The following CAST variants were observed in gnomAD, a reference collection of about 807,000 sequenced individuals.
CAST encodes the protein calpastatin, also known as MIR583 host.
Under a neutral mutation model 119.6 loss-of-function variants are expected in CAST, and 76 were observed. The ratio of observed to expected loss-of-function variants is 0.64; its 90% confidence interval spans 0.53 to 0.77. CAST has a LOEUF of 0.77. Among genes scored for constraint, CAST ranks in the 30% least tolerant of loss-of-function variants. The probability of loss-of-function intolerance (pLI) is 0.00; values close to 1 mark genes in which losing one functional copy is unlikely to be tolerated. For synonymous variants in CAST, 319 were observed against 331.6 expected (o/e 0.96, Z 0.41); for missense variants, 953 against 946.5 (o/e 1.01, Z -0.09).
At chr5:96,349,995 A>G in the CAST span, among the ~76,000 whole-genome samples, 1 of 152,184 alleles carries the variant, frequency 6.6e-6, no homozygotes, top group Non-Finnish European at 1.5e-5. Context: ...TTGATTGACA[A>G]TCGACTAAAT....
At chr5:96,444,219 C>G in the CAST span, among the ~76,000 whole-genome samples, 1 of 152,168 alleles carries the variant, frequency 6.6e-6, no homozygotes, top group East Asian at 1.9e-4. Flanking sequence ...GTTATGCCTT[C>G]ACTTCTCATC....
At chr5:96,070,333 T>A in the CAST span, among the ~76,000 whole-genome samples, 20 of 152,184 alleles carry the variant, frequency 1.3e-4, no homozygotes, top group Non-Finnish European at 2.6e-4. Flanking sequence ...CATTTATTAA[T>A]CAAGGACAAG....
chr5:96,139,907 G>A, the CAST span, among the ~76,000 whole-genome samples: 1 of 152,026 alleles, frequency 6.6e-6, no homozygotes, highest in African/African-American at 2.4e-5. Context: ...AATAAAATGT[G>A]GCTAGAACCT....
At chr5:96,454,917 G>T in the CAST span, among the ~76,000 whole-genome samples, 1 of 152,196 alleles carries the variant, frequency 6.6e-6, no homozygotes, top group East Asian at 1.9e-4. Context: ...TTGGCTCAGA[G>T]CCTTTGGCAA....
chr5:96,555,044 C>T (rs1050383601), intron 1 of CAST, among the ~76,000 whole-genome samples: 11 of 152,210 alleles, frequency 7.2e-5, no homozygotes, highest in Non-Finnish European at 1.3e-4. Context: ...CCAGCAATCC[C>T]ATTACTGGGC....
At chr5:96,243,413 C>G in the CAST span, among the ~76,000 whole-genome samples, 3 of 151,582 alleles carry the variant, frequency 2.0e-5, no homozygotes, top group South Asian at 6.3e-4. Flanking sequence ...GGTTCCTAGA[C>G]TTTGTGGAGT....
At chr5:96,386,765 G>A in the CAST span, among the ~76,000 whole-genome samples, 1 of 152,172 alleles carries the variant, frequency 6.6e-6, no homozygotes, top group Non-Finnish European at 1.5e-5. Flanking sequence ...AGGAGTTTGA[G>A]ACCAGCCTGG....
the CAST span, among the ~76,000 whole-genome samples, chr5:96,112,903 G>C: frequency 6.6e-6 from 1 of 152,166 alleles, no homozygotes; most frequent in Non-Finnish European, 1.5e-5. Context: ...AGCATGGCGG[G>C]AGATGGAGAG....
intron 1 of CAST, among the ~76,000 whole-genome samples, chr5:96,635,917 C>A (rs909914896): frequency 2.6e-5 from 4 of 152,280 alleles, no homozygotes; most frequent in Non-Finnish European, 5.9e-5. Context: ...TTCCTAGAAC[C>A]CTGGCTTCTC....
At chr5:96,563,698 C>T (rs867791250) in intron 1 of CAST, among the ~76,000 whole-genome samples, 16 of 152,194 alleles carry the variant, frequency 1.1e-4, no homozygotes, top group Admixed American at 2.6e-4. Flanking sequence ...TTACGGTATA[C>T]GGTATATGGT....
the CAST span, chr5:96,398,857 G>A: frequency 6.3e-7 from 1 of 1,593,790 alleles, no homozygotes; most frequent in East Asian, 2.2e-5. Context: ...AATATAAATG[G>A]CTTAGAACTT....
the CAST span, among the ~76,000 whole-genome samples, chr5:96,061,311 G>T: frequency 6.6e-6 from 1 of 152,088 alleles, no homozygotes; most frequent in Non-Finnish European, 1.5e-5. Context: ...AGCCCGAATG[G>T]CCTATCATGA....
chr5:96,522,340 T>C (rs1016946672), upstream of CAST, among the ~76,000 whole-genome samples: 3 of 152,200 alleles, frequency 2.0e-5, no homozygotes, highest in African/African-American at 7.2e-5. Context: ...GAGTGTTTTT[T>C]TCCCACTTCT....
At chr5:96,692,045 C>A (rs189228883) in intron 2 of CAST, among the ~76,000 whole-genome samples, 355 of 152,304 alleles carry the variant, frequency 2.3e-3, no homozygotes, top group African/African-American at 8.3e-3. Flanking sequence ...GCAACTAATT[C>A]TTTTCATGCC....
chr5:96,707,621 A>G (rs1755276295), intron 3 of CAST, among the ~76,000 whole-genome samples: 1 of 152,128 alleles, frequency 6.6e-6, no homozygotes, highest in African/African-American at 2.4e-5. Flanking sequence ...TCTTGACCTC[A>G]TGATCCAATC....
the CAST span, among the ~76,000 whole-genome samples, chr5:96,012,703 A>G: frequency 6.6e-6 from 1 of 152,206 alleles, no homozygotes; most frequent in Admixed American, 6.5e-5. Context: ...CTAGTTATCA[A>G]CTAGATGGAT....
chr5:96,469,676 C>T, the CAST span, among the ~76,000 whole-genome samples: 12 of 151,698 alleles, frequency 7.9e-5, no homozygotes, highest in African/African-American at 2.7e-4. Flanking sequence ...TGCACACATA[C>T]GTATATGCAT....
At chr5:96,254,624 A>G in the CAST span, among the ~76,000 whole-genome samples, 8 of 152,080 alleles carry the variant, frequency 5.3e-5, no homozygotes, top group African/African-American at 1.9e-4. Context: ...CTTGAGAGAG[A>G]AAGGTGGCTA....
chr5:96,511,947 C>T, the CAST span, among the ~76,000 whole-genome samples: 2 of 152,200 alleles, frequency 1.3e-5, no homozygotes, highest in African/African-American at 2.4e-5. Flanking sequence ...CACAGAAAGC[C>T]TTCTCAAAAG....
Sources: allele counts gnomAD v4.1 joint callset (sites outside exome capture counted in the v4.1 genomes callset), GRCh38; gene constraint gnomAD v4.1.1; transcripts MANE v1.5; gene names NCBI Gene and HGNC (gene_info 2026-07-23, HGNC 2026-07-21).